Variants in WWC1 observed in about 807,000 individuals in gnomAD.
The protein encoded by WWC1 is protein KIBRA.
In WWC1, 55 loss-of-function variants were observed where a neutral mutation model predicts 138.4. The ratio of observed to expected loss-of-function variants is 0.40; its 90% CI spans 0.32 to 0.50. WWC1 has a LOEUF of 0.50. Among genes scored for constraint, WWC1 ranks in the 20% least tolerant of loss-of-function variants. The pLI is 0.72. For synonymous variants in WWC1, 524 were observed against 564.9 expected, an observed-to-expected ratio of 0.93 and a Z score of 1.03; for missense variants, 1,226 against 1,420.4, an observed-to-expected ratio of 0.86 and a Z score of 2.20.
At chr5:168,437,383 A>G (rs1754332465) in intron 15 of WWC1, among the ~76,000 whole-genome samples, 1 of 152,236 alleles carries the variant, frequency 6.6e-6, no homozygotes, top group South Asian at 2.1e-4. Context: ...ACTATGTACT[A>G]GATGACAGGT....
Position 168,397,945 on chromosome 5 carries a change from G to A in WWC1, c.510+145G>A, listed in dbSNP as rs1207367071. On this transcript the variant is annotated intron_variant, in intron 4 of 22. Coordinates refer to ENST00000265293, the MANE Select transcript of WWC1 (RefSeq NM_015238.3). ...AAGGTCCTAAATAATAACAGTAGAA[G>A]CGGTAGTCACAGTAATAGTAATGGT... is the stretch of plus-strand genomic sequence containing the variant. 14 of 795,454 alleles carry A rather than the reference G, an allele frequency of 1.8e-5. No individual in the cohort carries two copies. In the Middle Eastern group the frequency reaches 1.1e-3, roughly 61 times the overall value. The allele number at this position is 795,454 out of a possible 1,614,324, so 49.3% of individuals were successfully genotyped here. A position where few individuals can be genotyped will look rare whatever the true frequency, so the allele number is the denominator to read the frequency against.
chr5:168,354,557 AGTG>A lies in WWC1; in HGVS notation c.120-16866_120-16864del, dbSNP rs1431225304. Among the ~76,000 whole-genome samples the A allele has an allele frequency of 3.9e-5, 6 of 152,210 alleles. No individual in the cohort carries two copies. In the East Asian group the frequency reaches 9.6e-4, roughly 24 times the overall value. ...GGGAACCTGGGATATGCCTAGCACT[AGTG>A]CTGTCCTAGGTACAAAAGTCATGAT... On this transcript the variant is annotated intron_variant, in intron 1 of 22. Transcript: ENST00000265293.
intron 1 of WWC1, among the ~76,000 whole-genome samples, chr5:168,365,144 G>A (rs1471239420): frequency 1.3e-5 from 2 of 152,200 alleles, no homozygotes; most frequent in Non-Finnish European, 2.9e-5. Flanking sequence ...ATGGTGTTCT[G>A]CAGCAGCCCC....
intron 17 of WWC1, among the ~76,000 whole-genome samples, chr5:168,447,428 G>A (rs555033084): frequency 4.5e-4 from 68 of 152,296 alleles, no homozygotes; most frequent in Admixed American, 9.1e-4. Context: ...GAAAGCAGCC[G>A]TAGACAGTAT....
At chr5:168,342,245 G>A (rs1774093637) in intron 1 of WWC1, among the ~76,000 whole-genome samples, 1 of 152,182 alleles carries the variant, frequency 6.6e-6, no homozygotes, top group African/African-American at 2.4e-5. Context: ...GGAAGGGAGA[G>A]GGAAAACATA....
At chr5:168,295,977 A>T (rs1248335994) in intron 1 of WWC1, among the ~76,000 whole-genome samples, 1 of 152,212 alleles carries the variant, frequency 6.6e-6, no homozygotes, top group Admixed American at 6.5e-5. Context: ...CAGCCTGGGA[A>T]GGTGACAGGC....
In WWC1 at chr5:168,467,849, C is replaced by G. The variant is rs749318706; in HGVS notation, c.3160C>G (p.Arg1054Gly). Residue 1054 changes from arginine to glycine, a missense_variant, in exon 22 of 23, where the codon CGA (arginine) becomes GGA (glycine). By Grantham distance (125) the Arg-to-Gly change is moderately radical. Around this residue, in one of 3 missense-constraint regions of WWC1, gnomAD observed 206 missense variants for 247.4 expected, o/e 0.83. Transcript: ENST00000265293. Reference protein sequence around the residue: ...LRMLEKRQMDRAEHKGELQTD... With the variant: ...LRMLEKRQMDGAEHKGELQTD... Reference sequence around the variant, plus strand: ...TGCTTGCTTTGCCCAGCAGATGGACCGAGCGGAGCACAAGGGTGAGCTTCA... The same window carrying G: ...TGCTTGCTTTGCCCAGCAGATGGACGGAGCGGAGCACAAGGGTGAGCTTCA... The G allele has an allele frequency of 6.2e-7, 1 of 1,614,142 alleles. No homozygotes were observed.
At chr5:168,397,441 C>T (rs1209252459) in intron 3 of WWC1, among the ~76,000 whole-genome samples, 4 of 152,114 alleles carry the variant, frequency 2.6e-5, no homozygotes. Flanking sequence ...CTGTGCCTGG[C>T]CCCAAATTTA....
intron 1 of WWC1, among the ~76,000 whole-genome samples, chr5:168,369,239 C>G (rs987324541): frequency 6.6e-5 from 10 of 152,218 alleles, no homozygotes; most frequent in African/African-American, 2.2e-4. Context: ...AAAGTACTCA[C>G]AAACATGGCC....
At chr5:168,339,476 G>A (rs934484827) in intron 1 of WWC1, among the ~76,000 whole-genome samples, 10 of 152,172 alleles carry the variant, frequency 6.6e-5, no homozygotes, top group Non-Finnish European at 1.2e-4. Flanking sequence ...TCTGGGTTTA[G>A]GGAACATTGT....
chr5:168,404,977 G>A (rs906418738), intron 5 of WWC1, among the ~76,000 whole-genome samples: 2 of 151,280 alleles, frequency 1.3e-5, no homozygotes, highest in East Asian at 1.9e-4. Flanking sequence ...GACTAGAAGC[G>A]TTTTAATCCC....
At chr5:168,337,791 C>T (rs902668301) in intron 1 of WWC1, among the ~76,000 whole-genome samples, 2 of 152,170 alleles carry the variant, frequency 1.3e-5, no homozygotes, top group Non-Finnish European at 2.9e-5. Context: ...AATGAGGGGA[C>T]CTCACTAGGA....
At chr5:168,310,134 C>T (rs1245792338) in intron 1 of WWC1, among the ~76,000 whole-genome samples, 1 of 152,174 alleles carries the variant, frequency 6.6e-6, no homozygotes, top group African/African-American at 2.4e-5. Context: ...TCACTTTCCT[C>T]ATCTGTAAGA....
chr5:168,374,483 G>A (rs540598423), intron 2 of WWC1, among the ~76,000 whole-genome samples: 1 of 152,224 alleles, frequency 6.6e-6, no homozygotes, highest in East Asian at 1.9e-4. Context: ...ATAGATAGAA[G>A]AAGAACTCCA....
At position 168,385,310 on chromosome 5, in the gene WWC1, A is replaced by C; in HGVS notation, c.329A>C (p.Gln110Pro). 1 of 1,613,988 alleles carries C rather than the reference A, an allele frequency of 6.2e-7. No homozygotes were observed. Among genetic ancestry groups the C allele is most frequent in the Non-Finnish European group, 8.5e-7 (1 of 1,179,990 alleles). Residue 110 changes from glutamine to proline, a missense_variant, in exon 3 of 23, where the codon CAA (glutamine) becomes CCA (proline). Gln to Pro is a moderately conservative substitution (Grantham distance 76, BLOSUM62 -1). Transcript: ENST00000265293. ...LVVAQEALSA[Q>P]KEIYQVKQQR... ...GTGGCCCAGGAGGCTCTGAGTGCAC[A>C]AAAGGAGATCTACCAGGTGAAGCAG...
intron 10 of WWC1, among the ~76,000 whole-genome samples, chr5:168,423,149 C>CCAAAAAAAAAAAAAAA: frequency 1.4e-5 from 1 of 71,306 alleles, no homozygotes; most frequent in Non-Finnish European, 2.5e-5. Context: ...CATCCCCCCC[C>CCAAAAAAAAAAAAAAA]AAAAAAAAAA....
chr5:168,468,977 C>T lies in WWC1; in HGVS notation c.3302C>T (p.Pro1101Leu). The part of the protein sequence containing the change: ...FREKMAFFTR[P>L]RMNIPALSAD... ...GAGAAGATGGCATTTTTCACCCGGC[C>T]TCGGATGAATATCCCAGCTCTCTCT... Residue 1101 changes from proline (P) to leucine (L), a missense_variant, in exon 23 of 23, where the codon CCT (proline) becomes CTT (leucine). Around this residue, in one of 3 missense-constraint regions of WWC1, gnomAD observed 206 missense variants for 247.4 expected, o/e 0.83. Coordinates refer to ENST00000265293, the MANE Select transcript of WWC1 (RefSeq NM_015238.3). 6.2e-7 allele frequency: 1 copy of T among 1,614,210 alleles called. No individual in the cohort carries two copies. Among genetic ancestry groups the T allele is most frequent in the Non-Finnish European group, 8.5e-7 (1 of 1,180,038 alleles).
rs193111575 is a variant in WWC1, at chr5:168,427,972, T to C, written c.1811-61T>C. 3.2e-4 allele frequency: 461 copies of C among 1,440,858 alleles called. 1 individual carries two copies. The highest frequency in any genetic ancestry group is 3.8e-4 in the Non-Finnish European group (397 of 1,031,218). 89.3% of individuals were successfully genotyped at this position (1,440,858 alleles called of 1,614,324 possible). A position where few individuals can be genotyped will look rare whatever the true frequency, so the allele number is the denominator to read the frequency against. Reference sequence around the variant, plus strand: ...ACCCTGCCTCAAAAACAAAACAAAATTGGGAGTCGCAAAGGCAGTTTCCTG... The same window carrying C: ...ACCCTGCCTCAAAAACAAAACAAAACTGGGAGTCGCAAAGGCAGTTTCCTG... On this transcript the variant is annotated intron_variant, in intron 11 of 22. Transcript: ENST00000265293.
chr5:168,465,576 T>TTTTTTTG (rs1554118704), intron 21 of WWC1, among the ~76,000 whole-genome samples: 3 of 136,210 alleles, frequency 2.2e-5, no homozygotes, highest in African/African-American at 8.7e-5. Flanking sequence ...TTTTTTTTTT[T>TTTTTTTG]GGAGATGGGT....
Sources: allele counts gnomAD v4.1 joint callset (sites outside exome capture counted in the v4.1 genomes callset), GRCh38; gene constraint gnomAD v4.1.1; regional missense constraint gnomAD v4.1.1; transcripts MANE v1.5; gene names NCBI Gene and HGNC (gene_info 2026-07-23, HGNC 2026-07-21).